The following EVI5 variants were observed in gnomAD, a reference collection of about 807,000 sequenced individuals.
EVI5 encodes ecotropic viral integration site 5 protein homolog.
EVI5 carries 73 observed loss-of-function variants against 112.0 expected under a neutral mutation model. The observed-to-expected ratio is 0.65, with a 90% CI of 0.54 to 0.79. EVI5 has a LOEUF of 0.79. Ranked by LOEUF, EVI5 falls within the 30% of genes least tolerant of loss-of-function variation. The probability of loss-of-function intolerance (pLI) is 0.00; values close to 1 mark genes in which losing one functional copy is unlikely to be tolerated. For synonymous variants in EVI5, 305 were observed against 319.9 expected (o/e 0.95, Z 0.50); for missense variants, 900 against 968.8 (o/e 0.93, Z 0.94).
intron 18 of EVI5, among the ~76,000 whole-genome samples, chr1:92,570,595 C>T (rs777496603): frequency 3.9e-5 from 6 of 152,054 alleles, no homozygotes; most frequent in Non-Finnish European, 8.8e-5. Context: ...CCAAGGTAAC[C>T]TCTAACATTG....
chr1:92,660,860 G>C (rs893035055), intron 13 of EVI5, among the ~76,000 whole-genome samples: 4 of 151,756 alleles, frequency 2.6e-5, no homozygotes, highest in African/African-American at 9.7e-5. Flanking sequence ...TTTTGATTGT[G>C]GTAGTGTTTC....
chr1:92,528,659 A>C (rs879727511), intron 19 of EVI5, among the ~76,000 whole-genome samples: 10 of 152,250 alleles, frequency 6.6e-5, no homozygotes, highest in Admixed American at 1.3e-4. Flanking sequence ...CTACGTGGGT[A>C]AATCTCAGCA....
chr1:92,519,090 T>G (rs1660437628), intron 19 of EVI5, among the ~76,000 whole-genome samples: 1 of 152,194 alleles, frequency 6.6e-6, no homozygotes, highest in African/African-American at 2.4e-5. Flanking sequence ...AGATGTAGAA[T>G]CTAATAAAAC....
intron 18 of EVI5, among the ~76,000 whole-genome samples, chr1:92,564,374 G>T (rs1669091300): frequency 6.6e-6 from 1 of 152,080 alleles, no homozygotes; most frequent in Admixed American, 6.6e-5. Context: ...TCAAGAAGAT[G>T]GCAAGCTTCC....
intron 16 of EVI5, among the ~76,000 whole-genome samples, chr1:92,609,952 A>G (rs562840728): frequency 1.4e-4 from 21 of 151,860 alleles, no homozygotes; most frequent in African/African-American, 4.8e-4. Context: ...AGGCACAATC[A>G]TAGCTTACTT....
chr1:92,657,884 T>C (rs1400318025), intron 13 of EVI5, among the ~76,000 whole-genome samples: 1 of 151,040 alleles, frequency 6.6e-6, no homozygotes, highest in Non-Finnish European at 1.5e-5. Context: ...AGCAAGAGAG[T>C]AGGGGAGGGG....
chr1:92,606,959 T>C lies in EVI5; in HGVS notation c.1974+622A>G, dbSNP rs552904669. Among the ~76,000 whole-genome samples, 4 of 150,292 alleles carry C rather than the reference T, an allele frequency of 2.7e-5. No individual in the cohort carries two copies. In the East Asian group the frequency reaches 5.9e-4, roughly 22 times the overall value. The stretch of plus-strand genomic sequence containing the variant: ...CCTCCCTCCTCTCCTTCCATCTCAC[T>C]GCCTTTCCCCCACTCTCTCACCACT... On this transcript the variant is annotated intron_variant, in intron 17 of 19. Transcript: ENST00000684568.
chr1:92,654,039 C>T (rs1170351773), intron 13 of EVI5, among the ~76,000 whole-genome samples: 1 of 151,928 alleles, frequency 6.6e-6, no homozygotes, highest in Non-Finnish European at 1.5e-5. Context: ...AGGTCTTCTG[C>T]TTGTGCTCAT....
At chr1:92,635,130 G>T (rs1429903966) in intron 14 of EVI5, among the ~76,000 whole-genome samples, 1 of 152,218 alleles carries the variant, frequency 6.6e-6, no homozygotes, top group Non-Finnish European at 1.5e-5. Flanking sequence ...GGGGGTCAGG[G>T]CCCCACTTGA....
intron 13 of EVI5, among the ~76,000 whole-genome samples, chr1:92,641,369 A>C (rs1381814207): frequency 1.3e-5 from 2 of 152,206 alleles, no homozygotes; most frequent in Non-Finnish European, 2.9e-5. Flanking sequence ...CTGCTGAATC[A>C]ATCAGTTAAC....
At chr1:92,766,269 C>T (rs1333431674) in intron 1 of EVI5, among the ~76,000 whole-genome samples, 1 of 151,726 alleles carries the variant, frequency 6.6e-6, no homozygotes, top group Non-Finnish European at 1.5e-5. Context: ...CCTCAACCTT[C>T]CAACGCCACA....
At chr1:92,577,539 T>C (rs1671268774) in intron 18 of EVI5, among the ~76,000 whole-genome samples, 1 of 152,192 alleles carries the variant, frequency 6.6e-6, no homozygotes, top group South Asian at 2.1e-4. Context: ...CCAAAGCCGG[T>C]TCCTAAGATG....
intron 1 of EVI5, among the ~76,000 whole-genome samples, chr1:92,778,489 A>G (rs997437908): frequency 6.6e-6 from 1 of 152,086 alleles, no homozygotes. Context: ...TGTGAGCCCA[A>G]TATACTAAAT....
At chr1:92,776,888 C>T (rs1405292414) in intron 1 of EVI5, among the ~76,000 whole-genome samples, 6 of 151,638 alleles carry the variant, frequency 4.0e-5, no homozygotes, top group East Asian at 3.9e-4. Context: ...CTGCAAGCTC[C>T]GCCTCCCGGG....
chr1:92,521,586 T>C (rs1249920066), intron 19 of EVI5, among the ~76,000 whole-genome samples: 1 of 151,554 alleles, frequency 6.6e-6, no homozygotes, highest in Non-Finnish European at 1.5e-5. Flanking sequence ...AGCTACTTGG[T>C]AGGCTGAGGC....
intron 2 of EVI5, among the ~76,000 whole-genome samples, chr1:92,727,123 T>C (rs760543237): frequency 6.6e-6 from 1 of 152,190 alleles, no homozygotes; most frequent in Non-Finnish European, 1.5e-5. Context: ...GGCCACTTAT[T>C]GTATCCATCA....
chr1:92,635,090 A>C (rs1237361527), intron 14 of EVI5, among the ~76,000 whole-genome samples: 1 of 152,066 alleles, frequency 6.6e-6, no homozygotes, highest in African/African-American at 2.4e-5. Context: ...GTCTGCCCCT[A>C]CTGGGGGGTG....
intron 1 of EVI5, among the ~76,000 whole-genome samples, chr1:92,755,128 G>A (rs187370802): frequency 6.9e-6 from 1 of 145,872 alleles, no homozygotes; most frequent in East Asian, 2.1e-4. Context: ...GATGCTTTGG[G>A]CCAGCTGTAG....
At chr1:92,560,191 T>C (rs1185944430) in intron 19 of EVI5, among the ~76,000 whole-genome samples, 1 of 152,198 alleles carries the variant, frequency 6.6e-6, no homozygotes, top group African/African-American at 2.4e-5. Flanking sequence ...GGTATATTTA[T>C]GCAAAGGAAA....
Sources: allele counts gnomAD v4.1 joint callset (sites outside exome capture counted in the v4.1 genomes callset), GRCh38; gene constraint gnomAD v4.1.1; transcripts MANE v1.5; gene names NCBI Gene and HGNC (gene_info 2026-07-23, HGNC 2026-07-21).